ACTR6: variants seen among roughly 807,000 people sequenced by gnomAD.
ACTR6 encodes actin related protein 6.
A neutral mutation model predicts 52.5 loss-of-function variants in ACTR6; 50 were observed. The observed-to-expected ratio is 0.95, with a 90% CI of 0.76 to 1.20. The LOEUF (loss-of-function observed/expected upper bound fraction) is 1.20, where lower values mean the gene tolerates loss of function less well. Ranked by LOEUF, ACTR6 falls within the 50% of genes most tolerant of loss-of-function variation. The probability of loss-of-function intolerance (pLI) is 0.00; values close to 1 mark genes in which losing one functional copy is unlikely to be tolerated. For missense variants in ACTR6, 344 were observed against 472.4 expected, an observed-to-expected ratio of 0.73 and a Z score of 2.52; for synonymous variants, 135 against 147.2, an observed-to-expected ratio of 0.92 and a Z score of 0.60.
chr12:100,202,857 CAA>C (rs541518616), intron 1 of ACTR6, among the ~76,000 whole-genome samples: 33 of 110,268 alleles, frequency 3.0e-4, no homozygotes, highest in Admixed American at 4.0e-4. Flanking sequence ...GACTCGGTCT[CAA>C]AAAAAAAAAA....
At chr12:100,212,018 A>T (rs991964495) in intron 6 of ACTR6, among the ~76,000 whole-genome samples, 1 of 152,210 alleles carries the variant, frequency 6.6e-6, no homozygotes, top group Non-Finnish European at 1.5e-5. Context: ...CCCACTTAAC[A>T]TCTTTGTTTT....
At chr12:100,207,230 A>T (rs1269138737) in intron 3 of ACTR6, among the ~76,000 whole-genome samples, 4 of 151,412 alleles carry the variant, frequency 2.6e-5, no homozygotes, top group African/African-American at 4.9e-5. Flanking sequence ...ATTTTTATTT[A>T]TTATTATTAT....
intron 10 of ACTR6, 113 bp downstream of exon 10, chr12:100,220,259 G>A (rs2096127086): frequency 2.0e-6 from 2 of 986,916 alleles, no homozygotes; most frequent in Non-Finnish European, 3.0e-6. Context: ...CATTTCACCT[G>A]CTGAATATTC....
At position 100,201,541 on chromosome 12, in the gene ACTR6, C is replaced by T. The variant is rs1453052415; in HGVS notation, c.68+622C>T. Among the ~76,000 whole-genome samples the T allele has an allele frequency of 2.0e-5, 3 of 152,012 alleles. No individual in the cohort carries two copies. In the East Asian group the frequency reaches 5.8e-4, roughly 29 times the overall value. On this transcript the variant is annotated intron_variant, in intron 1 of 10. Coordinates refer to ENST00000188312, the MANE Select transcript of ACTR6 (RefSeq NM_022496.5). ...AGCATTAAAAAAAATTCTTTCCTTC[C>T]TCCCTCCTTTCCTTCTTTTTCATTT...
intron 6 of ACTR6, among the ~76,000 whole-genome samples, chr12:100,211,583 T>C (rs76581119): frequency 0.035 from 5,394 of 152,240 alleles, 125 homozygotes; most frequent in South Asian, 0.073. Context: ...AACATCACTG[T>C]GTACCTGAGA....
chr12:100,214,849 A>G (rs2153900628), intron 8 of ACTR6, among the ~76,000 whole-genome samples: 1 of 152,356 alleles, frequency 6.6e-6, no homozygotes, highest in African/African-American at 2.4e-5. Context: ...TTGCCTGGGC[A>G]TGTATCAGGT....
In ACTR6 at chr12:100,223,930, T is replaced by C. The variant is rs780395854; in HGVS notation, c.*15T>C. 4 of 1,600,140 alleles carry C rather than the reference T, an allele frequency of 2.5e-6. No homozygotes were observed. Among genetic ancestry groups the C allele is most frequent in the Non-Finnish European group, 3.4e-6 (4 of 1,176,646 alleles). On this transcript the variant is annotated 3_prime_UTR_variant, in exon 11 of 11. Transcript: ENST00000188312. Reference sequence around the variant, plus strand: ...TTGATATTTAAGCAACATTTTTGAATGAAAGTTGTGACCATAAGGTTTAAT... The same window carrying C: ...TTGATATTTAAGCAACATTTTTGAACGAAAGTTGTGACCATAAGGTTTAAT...
intron 6 of ACTR6, among the ~76,000 whole-genome samples, chr12:100,210,743 ATGT>A (rs2096119221): frequency 6.6e-6 from 1 of 151,982 alleles, no homozygotes; most frequent in Admixed American, 6.6e-5. Context: ...AAAATTGTAA[ATGT>A]TGTACATTAA....
At chr12:100,216,443 C>T (rs1014839429) in intron 8 of ACTR6, among the ~76,000 whole-genome samples, 1 of 152,220 alleles carries the variant, frequency 6.6e-6, no homozygotes, top group African/African-American at 2.4e-5. Context: ...GGGTTATAGG[C>T]GTGAGCCAGT....
In ACTR6 at chr12:100,218,585, A is replaced by C; in HGVS notation, c.921A>C (p.Glu307Asp). ...AIVYSIQNLP[E>D]EMQPHFFKNI... ...TCTATTCAATTCAAAATCTACCTGA[A>C]GGTACATAAATAGAGTAAAATACTA... Residue 307 changes from glutamate to aspartate, a missense_variant and splice_region_variant, in exon 9 of 11, where the codon GAA becomes GAC. Physicochemically the swap from Glu to Asp is conservative, Grantham distance 45 (BLOSUM62 2). Coordinates refer to ENST00000188312, the MANE Select transcript of ACTR6 (RefSeq NM_022496.5). The surrounding 1 kb of genome is among the most constrained non-coding windows in gnomAD (Gnocchi z 4.2). The C allele has an allele frequency of 6.6e-7, 1 of 1,514,678 alleles. No individual in the cohort carries two copies. The highest frequency in any genetic ancestry group is 8.9e-7 in the Non-Finnish European group (1 of 1,127,150). The allele number at this position is 1,514,678 out of a possible 1,614,324, so 93.8% of individuals were successfully genotyped here. A position where few individuals can be genotyped will look rare whatever the true frequency, so the allele number is the denominator to read the frequency against.
At chr12:100,216,220 A>C (rs2096123800) in intron 8 of ACTR6, among the ~76,000 whole-genome samples, 1 of 152,242 alleles carries the variant, frequency 6.6e-6, no homozygotes, top group African/African-American at 2.4e-5. Flanking sequence ...CAGCGGTGTG[A>C]TCACAGCTCA....
At chr12:100,208,076 G>C (rs978282658) in intron 4 of ACTR6, 6 of 273,370 alleles carry the variant, frequency 2.2e-5, no homozygotes, top group Admixed American at 1.5e-4. Flanking sequence ...CAGAAGGATC[G>C]TTTGAGCCTG....
chr12:100,210,050 C>CT lies in ACTR6; in HGVS notation c.380-17dup, dbSNP rs759238974. 5 of 1,549,452 alleles carry CT rather than the reference C, an allele frequency of 3.2e-6. 1 individual carries two copies. In the South Asian group the frequency reaches 6.2e-5, roughly 19 times the overall value. Reference sequence around the variant, plus strand: ...TAAATTAGTGTTATATTTTTGTTCACTTTTTTATCTTTTTTTAAATAGCTG... The same window carrying CT: ...TAAATTAGTGTTATATTTTTGTTCACTTTTTTTATCTTTTTTTAAATAGCTG... On this transcript the variant is annotated intron_variant, in intron 4 of 10. Transcript: ENST00000188312.
At position 100,205,685 on chromosome 12, in the gene ACTR6, G is replaced by T. The variant is rs747598274; in HGVS notation, c.196G>T (p.Val66Leu). The change falls in exon 3 of 11, where the codon GTG (valine) becomes TTG (leucine). Residue 66 changes from valine to leucine, a missense_variant. Val to Leu is a conservative substitution (Grantham distance 32). Transcript: ENST00000188312. Reference sequence around the variant, plus strand: ...TAAAAACATTTTTTAGGGCTACTTGGTGAATTGGGATGTTCAGAGACAAGT... The same window carrying T: ...TAAAAACATTTTTTAGGGCTACTTGTTGAATTGGGATGTTCAGAGACAAGT... Reference protein sequence around the residue: ...YILPFQKGYLVNWDVQRQVWD... With the variant: ...YILPFQKGYLLNWDVQRQVWD... 6.6e-7 allele frequency: 1 copy of T among 1,511,304 alleles called. No homozygotes were observed. The highest frequency in any genetic ancestry group is 8.8e-7 in the Non-Finnish European group (1 of 1,132,852). The allele number at this position is 1,511,304 out of a possible 1,614,324, so 93.6% of individuals were successfully genotyped here. A position where few individuals can be genotyped will look rare whatever the true frequency, so the allele number is the denominator to read the frequency against.
At position 100,218,653 on chromosome 12, in the gene ACTR6, CCT is replaced by C. The variant is rs2096125692; in HGVS notation, c.922+68_922+69del. Reference sequence around the variant, plus strand: ...TAAAAACATCATAAGCCCTGTGAACCCTGTTTCCTCTAAATAATTTCAGGCAA... The same window carrying C: ...TAAAAACATCATAAGCCCTGTGAACCGTTTCCTCTAAATAATTTCAGGCAA... On this transcript the variant is annotated intron_variant, in intron 9 of 10. Transcript: ENST00000188312. The surrounding 1 kb of genome is among the most constrained non-coding windows in gnomAD (Gnocchi z 4.2). 1 of 1,081,414 alleles carries C rather than the reference CCT, an allele frequency of 9.2e-7. No homozygotes were observed. Among genetic ancestry groups the C allele is most frequent in the African/African-American group, 1.6e-5 (1 of 60,676 alleles). 67.0% of individuals were successfully genotyped at this position (1,081,414 alleles called of 1,614,324 possible).
Position 100,224,393 on chromosome 12 carries a change from A to G in ACTR6, c.*478A>G, listed in dbSNP as rs569100913. ...ACCTAGAGTACATTTAAAAGGGTGG[A>G]GACTAAGCTAATAAAGTTTTTTTGG... On this transcript the variant is annotated 3_prime_UTR_variant, in exon 11 of 11. Transcript: ENST00000188312. The G allele has an allele frequency of 6.6e-6, 1 of 152,426 alleles. No individual in the cohort carries two copies. The highest frequency in any genetic ancestry group is 2.1e-4 in the South Asian group (1 of 4,828). 9.4% of individuals were successfully genotyped at this position (152,426 alleles called of 1,614,324 possible).
intron 9 of ACTR6, among the ~76,000 whole-genome samples, chr12:100,219,328 A>G (rs1277935917): frequency 1.3e-5 from 2 of 152,134 alleles, no homozygotes; most frequent in Non-Finnish European, 2.9e-5. Context: ...CAATATAAGG[A>G]AACTCTGCCC....
intron 4 of ACTR6, among the ~76,000 whole-genome samples, chr12:100,209,257 G>T (rs1313523220): frequency 6.8e-6 from 1 of 147,416 alleles, no homozygotes; most frequent in South Asian, 2.1e-4. Context: ...TCTCAACCAG[G>T]TGTAGTGGCT....
chr12:100,206,438 A>G (rs2096114679), intron 3 of ACTR6, among the ~76,000 whole-genome samples: 1 of 152,198 alleles, frequency 6.6e-6, no homozygotes, highest in Non-Finnish European at 1.5e-5. Context: ...AGATTGCACT[A>G]CTGGATTCCA....
Sources: gnomAD v4.1 joint callset for allele counts (sites outside exome capture counted in the v4.1 genomes callset) on GRCh38, gnomAD v4.1.1 for gene constraint, Gnocchi (gnomAD v3.1) non-coding constraint, MANE v1.5 for transcripts, NCBI Gene and HGNC (gene_info 2026-07-23, HGNC 2026-07-21) for gene names.